Variants in ANKS1B observed in about 807,000 individuals in gnomAD.
ANKS1B encodes the protein ankyrin repeat and sterile alpha motif domain-containing protein 1B.
ANKS1B carries 36 observed loss-of-function variants against 148.3 expected under a neutral mutation model. The ratio of observed to expected loss-of-function variants is 0.24; its 90% confidence interval spans 0.19 to 0.32. The LOEUF is 0.32. Ranked by LOEUF, ANKS1B falls within the 10% of genes least tolerant of loss-of-function variation. The pLI is 1.00. For missense variants in ANKS1B, 1,157 were observed against 1,542.6 expected (o/e 0.75, Z 4.19); for synonymous variants, 542 against 560.8 (o/e 0.97, Z 0.47).
intron 14 of ANKS1B, among the ~76,000 whole-genome samples, chr12:99,212,665 A>T (rs766175945): frequency 1.3e-5 from 2 of 152,226 alleles, no homozygotes; most frequent in Non-Finnish European, 1.5e-5. Context: ...AGCCAAATAT[A>T]ACATTTATAC....
chr12:99,671,984 CTTTT>C (rs1040858153), intron 8 of ANKS1B, among the ~76,000 whole-genome samples: 5 of 152,028 alleles, frequency 3.3e-5, no homozygotes, highest in African/African-American at 1.2e-4. Flanking sequence ...AAACTCTTTT[CTTTT>C]TTGAGATAAA....
chr12:98,979,508 T>C (rs1049452032), intron 17 of ANKS1B, among the ~76,000 whole-genome samples: 1 of 152,060 alleles, frequency 6.6e-6, no homozygotes, highest in African/African-American at 2.4e-5. Flanking sequence ...CCTGAACTCG[T>C]GATCCACCCG....
intron 12 of ANKS1B, among the ~76,000 whole-genome samples, chr12:99,258,239 A>C (rs758686786): frequency 1.1e-4 from 16 of 152,164 alleles, no homozygotes; most frequent in Non-Finnish European, 1.9e-4. Flanking sequence ...ATGATGTAAT[A>C]TATAATCAAT....
chr12:98,734,915 C>T (rs1268857381), exon 10 of ANKS1B: 3 of 338,622 alleles, frequency 8.9e-6, no homozygotes, highest in Non-Finnish European at 1.6e-5. Context: ...TAACAACACA[C>T]ATCAGGTTTT....
intron 9 of ANKS1B, among the ~76,000 whole-genome samples, chr12:99,525,072 T>G (rs934508721): frequency 3.9e-5 from 6 of 152,016 alleles, no homozygotes; most frequent in Non-Finnish European, 5.9e-5. Context: ...GGGCCCATTC[T>G]GGACCTCCAG....
intron 10 of ANKS1B, among the ~76,000 whole-genome samples, chr12:99,459,929 A>T (rs1455055802): frequency 6.6e-6 from 1 of 152,124 alleles, no homozygotes; most frequent in African/African-American, 2.4e-5. Flanking sequence ...ACGGACCCCA[A>T]AAAGAGCCCA....
At chr12:99,291,430 G>C (rs2079961276) in intron 12 of ANKS1B, among the ~76,000 whole-genome samples, 1 of 152,058 alleles carries the variant, frequency 6.6e-6, no homozygotes, top group South Asian at 2.1e-4. Context: ...AACTAGGCTA[G>C]CCAAAGCCAT....
intron 12 of ANKS1B, among the ~76,000 whole-genome samples, chr12:99,393,244 C>CAA (rs1429056446): frequency 1.3e-5 from 2 of 152,070 alleles, no homozygotes; most frequent in African/African-American, 4.8e-5. Flanking sequence ...TTAAGGGGAC[C>CAA]CAAGAGATTG....
intron 15 of ANKS1B, among the ~76,000 whole-genome samples, chr12:99,124,577 G>C (rs1407185203): frequency 6.6e-6 from 1 of 152,020 alleles, no homozygotes; most frequent in African/African-American, 2.4e-5. Flanking sequence ...GAGATGTCTG[G>C]GCTAAAGATA....
intron 9 of ANKS1B, among the ~76,000 whole-genome samples, chr12:99,515,884 A>G (rs1024540665): frequency 1.3e-5 from 2 of 151,956 alleles, no homozygotes; most frequent in African/African-American, 4.8e-5. Context: ...ATCTCATTGT[A>G]GTTTTGATTT....
intron 12 of ANKS1B, among the ~76,000 whole-genome samples, chr12:99,304,156 T>G (rs548603041): frequency 8.5e-4 from 129 of 152,274 alleles, no homozygotes; most frequent in Non-Finnish European, 1.4e-3. Context: ...GATCAAATGG[T>G]CGTTCTACTT....
intron 17 of ANKS1B, among the ~76,000 whole-genome samples, chr12:98,875,909 G>T (rs576761199): frequency 0.025 from 2 of 80 alleles, no homozygotes; most frequent in South Asian, 0.5. Flanking sequence ...GGTAACTGGG[G>T]TGTGCACCTG....
chr12:99,142,865 G>T (rs1270770533), intron 15 of ANKS1B, among the ~76,000 whole-genome samples: 1 of 152,002 alleles, frequency 6.6e-6, no homozygotes, highest in African/African-American at 2.4e-5. Context: ...GGGATTTCTG[G>T]ATGTTTGCCA....
intron 9 of ANKS1B, among the ~76,000 whole-genome samples, chr12:98,736,839 T>G (rs1399162355): frequency 6.6e-6 from 1 of 152,244 alleles, no homozygotes; most frequent in South Asian, 2.1e-4. Flanking sequence ...TTGATCAGTC[T>G]GCTCATTCAC....
chr12:99,108,487 ATG>A (rs1218856918), intron 15 of ANKS1B, among the ~76,000 whole-genome samples: 2 of 152,230 alleles, frequency 1.3e-5, no homozygotes, highest in African/African-American at 4.8e-5. Context: ...TGAAGAAAGA[ATG>A]GGGTTCATAA....
chr12:99,056,579 C>T (rs1415501158), intron 16 of ANKS1B, among the ~76,000 whole-genome samples: 1 of 152,128 alleles, frequency 6.6e-6, no homozygotes, highest in East Asian at 1.9e-4. Flanking sequence ...GGCTCCTTCT[C>T]GAAAAAAGTC....
intron 17 of ANKS1B, among the ~76,000 whole-genome samples, chr12:98,937,533 C>T (rs767909513): frequency 2.8e-4 from 43 of 152,190 alleles, no homozygotes; most frequent in South Asian, 2.1e-4. Context: ...TGAAACCTCT[C>T]TCAGCCTCCC....
intron 9 of ANKS1B, among the ~76,000 whole-genome samples, chr12:99,521,363 CCT>C (rs2096873295): frequency 6.6e-6 from 1 of 152,120 alleles, no homozygotes; most frequent in Admixed American, 6.6e-5. Context: ...TGGTCATGTA[CCT>C]CTGTTTCTCC....
At chr12:99,371,579 C>A (rs1455596926) in intron 12 of ANKS1B, among the ~76,000 whole-genome samples, 4 of 151,830 alleles carry the variant, frequency 2.6e-5, no homozygotes, top group Non-Finnish European at 5.9e-5. Flanking sequence ...CACACACACA[C>A]ATATACATAC....
Sources: gnomAD v4.1 joint callset for allele counts (sites outside exome capture counted in the v4.1 genomes callset) on GRCh38, gnomAD v4.1.1 for gene constraint, MANE v1.5 for transcripts, NCBI Gene and HGNC (gene_info 2026-07-23, HGNC 2026-07-21) for gene names.